Variants in NMNAT2 observed in about 807,000 individuals in gnomAD.
NMNAT2 encodes the protein nicotinamide nucleotide adenylyltransferase 2.
A neutral mutation model predicts 41.6 loss-of-function variants in NMNAT2; 11 were observed. The observed-to-expected ratio is 0.26, with a 90% CI of 0.17 to 0.44. The LOEUF (loss-of-function observed/expected upper bound fraction) is 0.44, where lower values mean the gene tolerates loss of function less well. Among genes scored for constraint, NMNAT2 ranks in the 20% least tolerant of loss-of-function variants. The pLI is 1.00. For synonymous variants in NMNAT2, 148 were observed against 151.2 expected, an observed-to-expected ratio of 0.98 and a Z score of 0.16; for missense variants, 288 against 407.7, an observed-to-expected ratio of 0.71 and a Z score of 2.53.
intron 1 of NMNAT2, among the ~76,000 whole-genome samples, chr1:183,350,343 T>A (rs1571613924): frequency 6.6e-6 from 1 of 152,070 alleles, no homozygotes; most frequent in East Asian, 1.9e-4. Flanking sequence ...CCCTGTTAAT[T>A]TGGGAGGAAA....
chr1:183,337,726 T>A (rs1662706680), intron 1 of NMNAT2, among the ~76,000 whole-genome samples: 1 of 152,174 alleles, frequency 6.6e-6, no homozygotes, highest in Non-Finnish European at 1.5e-5. Context: ...TCCTGCTCCA[T>A]TTTTAAATGT....
chr1:183,400,645 G>A (rs6663425), intron 1 of NMNAT2, among the ~76,000 whole-genome samples: 100,367 of 151,386 alleles, frequency 0.66, 33,808 homozygotes, highest in East Asian at 0.89. Flanking sequence ...GAGGCATCAT[G>A]CTACCTGACT....
chr1:183,334,656 C>T (rs56336442), intron 1 of NMNAT2, among the ~76,000 whole-genome samples: 4,190 of 151,992 alleles, frequency 0.028, 164 homozygotes, highest in African/African-American at 0.095. Context: ...ATTACAGGCA[C>T]CCACCACCAA....
chr1:183,260,181 G>A (rs1308006059), intron 10 of NMNAT2, among the ~76,000 whole-genome samples: 3 of 152,116 alleles, frequency 2.0e-5, no homozygotes, highest in African/African-American at 4.8e-5. Context: ...AGTGGTATGC[G>A]CAACTCTGGG....
chr1:183,398,556 G>C (rs183815817), intron 1 of NMNAT2, among the ~76,000 whole-genome samples: 11 of 152,040 alleles, frequency 7.2e-5, no homozygotes, highest in East Asian at 3.9e-4. Context: ...CTGCACCAAG[G>C]GGACCTAATA....
chr1:183,280,779 T>G (rs1179786772), intron 7 of NMNAT2, among the ~76,000 whole-genome samples: 1 of 6,264 alleles, frequency 1.6e-4, no homozygotes. Flanking sequence ...TAGTGTATTT[T>G]TTTTTTTTTT....
intron 1 of NMNAT2, among the ~76,000 whole-genome samples, chr1:183,318,199 C>G (rs965614579): frequency 6.6e-6 from 1 of 152,228 alleles, no homozygotes; most frequent in Non-Finnish European, 1.5e-5. Flanking sequence ...CCCCAGCAGG[C>G]CCTGGGACCC....
Position 183,252,623 on chromosome 1 carries a change from C to T in NMNAT2, c.*18G>A. On this transcript the variant is annotated 3_prime_UTR_variant, in exon 11 of 11. Coordinates refer to ENST00000287713, the MANE Select transcript of NMNAT2 (RefSeq NM_015039.4). ...CAAAGATGGAGGGGCCATTGTGTTG[C>T]CGGAGGACGAGGGGCTGCTAGCCGG... 1 of 1,569,022 alleles carries T rather than the reference C, an allele frequency of 6.4e-7. No homozygotes were observed. Among genetic ancestry groups the T allele is most frequent in the Non-Finnish European group, 8.8e-7 (1 of 1,138,804 alleles).
intron 8 of NMNAT2, among the ~76,000 whole-genome samples, chr1:183,262,220 T>C (rs1204950339): frequency 1.3e-5 from 2 of 152,084 alleles, no homozygotes; most frequent in African/African-American, 2.4e-5. Context: ...TGTGAGCCAT[T>C]GTACCTAGCC....
At chr1:183,416,396 A>G (rs1430533792) in intron 1 of NMNAT2, among the ~76,000 whole-genome samples, 1 of 152,140 alleles carries the variant, frequency 6.6e-6, no homozygotes, top group African/African-American at 2.4e-5. Context: ...TGGTCAAGGG[A>G]GAGGAGTAAA....
chr1:183,284,455 A>G (rs1661348463), intron 6 of NMNAT2, among the ~76,000 whole-genome samples: 1 of 152,230 alleles, frequency 6.6e-6, no homozygotes, highest in African/African-American at 2.4e-5. Flanking sequence ...GAACAAGCAC[A>G]CTGTGGGTGC....
intron 1 of NMNAT2, among the ~76,000 whole-genome samples, chr1:183,408,335 G>A (rs905501413): frequency 6.6e-6 from 1 of 152,122 alleles, no homozygotes; most frequent in African/African-American, 2.4e-5. Context: ...GAGTGGCTAT[G>A]TGCCAATAAA....
At chr1:183,283,263 T>A (rs1661313679) in intron 7 of NMNAT2, 1 of 152,310 alleles carries the variant, frequency 6.6e-6, no homozygotes, top group Admixed American at 6.5e-5. Context: ...CTCCAGGCAT[T>A]CCTGATGTCA....
chr1:183,379,639 G>A (rs1663759960), intron 1 of NMNAT2, among the ~76,000 whole-genome samples: 1 of 152,052 alleles, frequency 6.6e-6, no homozygotes, highest in Non-Finnish European at 1.5e-5. Flanking sequence ...AATAAAAAGA[G>A]ACATATAAAA....
At chr1:183,323,090 C>T (rs143690662) in intron 1 of NMNAT2, among the ~76,000 whole-genome samples, 1 of 152,294 alleles carries the variant, frequency 6.6e-6, no homozygotes, top group East Asian at 1.9e-4. Context: ...AGCCACCATG[C>T]CAGGCTTATT....
At chr1:183,335,134 G>A (rs915285503) in intron 1 of NMNAT2, among the ~76,000 whole-genome samples, 9 of 152,280 alleles carry the variant, frequency 5.9e-5, no homozygotes, top group East Asian at 1.9e-4. Context: ...CATTATTCCC[G>A]TTTTACTGGG....
Position 183,291,921 on chromosome 1 carries a change from A to G in NMNAT2, c.242+869T>C, listed in dbSNP as rs116074706. Among the ~76,000 whole-genome samples the G allele has an allele frequency of 9.1e-3, 1,384 of 152,178 alleles. 25 individuals carry two copies. The highest frequency in any genetic ancestry group is 0.031 in the African/African-American group (1,307 of 41,502). ...ACACAAATCACTGCGCACAAATAGC[A>G]AGGATCACTGCTGAATTATTACTGT... is the stretch of plus-strand genomic sequence containing the variant. On this transcript the variant is annotated intron_variant, in intron 3 of 10. Coordinates refer to ENST00000287713, the MANE Select transcript of NMNAT2 (RefSeq NM_015039.4).
chr1:183,287,197 C>T (rs1046060233), intron 4 of NMNAT2, among the ~76,000 whole-genome samples: 4 of 152,094 alleles, frequency 2.6e-5, no homozygotes, highest in Non-Finnish European at 5.9e-5. Flanking sequence ...CAGCAGCAGG[C>T]GATGCTGGAA....
Position 183,395,676 on chromosome 1 carries a change from G to T in NMNAT2, c.85+22507C>A, listed in dbSNP as rs138247346. Among the ~76,000 whole-genome samples, 510 of 152,234 alleles carry T rather than the reference G, an allele frequency of 3.4e-3. 4 individuals are homozygous for T. Among genetic ancestry groups the T allele is most frequent in the African/African-American group, 0.012 (489 of 41,544 alleles). The stretch of plus-strand genomic sequence containing the variant: ...AGGTGAGAATCAAGAGGTCCAAGGA[G>T]GTGCCTTACCATATGGTCACATTAT... On this transcript the variant is annotated intron_variant, in intron 1 of 10. Transcript: ENST00000287713.
Sources: allele counts gnomAD v4.1 joint callset (sites outside exome capture counted in the v4.1 genomes callset), GRCh38; gene constraint gnomAD v4.1.1; transcripts MANE v1.5; gene names NCBI Gene and HGNC (gene_info 2026-07-23, HGNC 2026-07-21).